EFCAB6: variants seen among roughly 807,000 people sequenced by gnomAD.
EFCAB6 encodes EF-hand calcium binding domain 6.
In EFCAB6, 156 loss-of-function variants were observed where a neutral mutation model predicts 169.8. The observed-to-expected ratio is 0.92, with a 90% CI of 0.81 to 1.05. The LOEUF is 1.05. EFCAB6 is among the 50% of genes least tolerant of loss of function. EFCAB6 has a pLI of 0.00. For missense variants in EFCAB6, 1,800 were observed against 1,829.1 expected, an observed-to-expected ratio of 0.98 and a Z score of 0.29; for synonymous variants, 698 against 676.4, an observed-to-expected ratio of 1.03 and a Z score of -0.50.
chr22:43,738,096 G>A (rs1257917067), intron 6 of EFCAB6, among the ~76,000 whole-genome samples: 2 of 127,468 alleles, frequency 1.6e-5, no homozygotes, highest in African/African-American at 3.0e-5. Context: ...GCAGATACAT[G>A]CACACACACC....
At chr22:43,542,602 C>T (rs575178580) in intron 27 of EFCAB6, among the ~76,000 whole-genome samples, 204 of 152,134 alleles carry the variant, frequency 1.3e-3, no homozygotes, top group African/African-American at 4.8e-3. Flanking sequence ...TTCTGTGGTG[C>T]GGAGGAGGCC....
At chr22:43,689,322 G>C (rs929351953) in intron 10 of EFCAB6, among the ~76,000 whole-genome samples, 2 of 148,608 alleles carry the variant, frequency 1.3e-5, no homozygotes, top group African/African-American at 2.5e-5. Flanking sequence ...ACGCGAGGGA[G>C]AGTGGGCCAC....
At chr22:43,698,572 G>A (rs548943350) in intron 10 of EFCAB6, among the ~76,000 whole-genome samples, 2 of 152,282 alleles carry the variant, frequency 1.3e-5, no homozygotes, top group East Asian at 1.9e-4. Context: ...ACCCAGCATA[G>A]GTGACATCAT....
intron 6 of EFCAB6, among the ~76,000 whole-genome samples, chr22:43,754,756 A>G (rs1263905430): frequency 6.6e-6 from 1 of 152,204 alleles, no homozygotes; most frequent in Non-Finnish European, 1.5e-5. Context: ...TGCTGCTGTG[A>G]TAATTGTCAT....
Position 43,570,520 on chromosome 22 carries a change from C to T in EFCAB6, c.3420+5777G>A, listed in dbSNP as rs187240195. Among the ~76,000 whole-genome samples, 124 of 151,884 alleles carry T rather than the reference C, an allele frequency of 8.2e-4. 2 individuals carry two copies. Among genetic ancestry groups the T allele is most frequent in the East Asian group, 4.5e-3 (23 of 5,164 alleles). On this transcript the variant is annotated intron_variant, in intron 26 of 31. Coordinates refer to ENST00000262726, the MANE Select transcript of EFCAB6 (RefSeq NM_022785.4). The stretch of plus-strand genomic sequence containing the variant: ...AAAATGTTTTTCTAGAAGTGAAGAA[C>T]GGGTATTTGCTGGGGAGAGAAATCC...
intron 22 of EFCAB6, among the ~76,000 whole-genome samples, chr22:43,607,188 T>C (rs1373012535): frequency 1.3e-5 from 2 of 152,174 alleles, no homozygotes; most frequent in African/African-American, 4.8e-5. Flanking sequence ...ATGCCACTTC[T>C]GATAGAACAC....
chr22:43,802,831 A>G (rs1471144603), intron 2 of EFCAB6: 4 of 419,870 alleles, frequency 9.5e-6, no homozygotes, highest in East Asian at 5.7e-5. Context: ...AGTTTGAAAT[A>G]CTATTTTTAA....
rs554551138 is a variant in EFCAB6, at chr22:43,570,854, T to G, written c.3420+5443A>C. Reference sequence around the variant, plus strand: ...GGGCTGGTTCTCAAGCCCAGGACAGTGCCAAGAGGATGAGCCCCAGGCCTT... The same window carrying G: ...GGGCTGGTTCTCAAGCCCAGGACAGGGCCAAGAGGATGAGCCCCAGGCCTT... On this transcript the variant is annotated intron_variant, in intron 26 of 31. Coordinates refer to ENST00000262726, the MANE Select transcript of EFCAB6 (RefSeq NM_022785.4). 4.6e-5 allele frequency among the ~76,000 whole-genome samples: 7 copies of G among 152,256 alleles called. No individual in the cohort carries two copies. The East Asian group carries it at 1.2e-3, about 25-fold the overall frequency.
intron 6 of EFCAB6, among the ~76,000 whole-genome samples, chr22:43,738,354 ACAC>A (rs1483241504): frequency 6.8e-6 from 1 of 147,244 alleles, no homozygotes; most frequent in Non-Finnish European, 1.5e-5. Flanking sequence ...ATACTCATTC[ACAC>A]CATCAATCAC....
chr22:43,534,780 A>T lies in EFCAB6; in HGVS notation c.4141T>A (p.Tyr1381Asn). Residue 1381 changes from tyrosine to asparagine, a missense_variant, in exon 30 of 32, where the codon TAC (tyrosine) becomes AAC (asparagine). Coordinates refer to ENST00000262726, the MANE Select transcript of EFCAB6 (RefSeq NM_022785.4). ...ACACAGCTCTGAATGAAGTCACAGTATGCAAATTTCCCGTTGCTCTTTAAG... is the reference window on the plus strand; with the variant it reads ...ACACAGCTCTGAATGAAGTCACAGTTTGCAAATTTCCCGTTGCTCTTTAAG... ...YDLKSNGKFA[Y>N]CDFIQSCVLL... is the part of the protein sequence containing the mutation. The T allele has an allele frequency of 6.2e-7, 1 of 1,614,058 alleles. No homozygotes were observed. The highest frequency in any genetic ancestry group is 8.5e-7 in the Non-Finnish European group (1 of 1,179,992).
In EFCAB6 at chr22:43,603,140, C is replaced by T. The variant is rs539609304; in HGVS notation, c.2682-2877G>A. On this transcript the variant is annotated intron_variant, in intron 22 of 31. Transcript: ENST00000262726. ...TGCTCAAGGGCTCACTAACAACAAACTTTCCATCATGACACTTGAACTGAA... is the reference window on the plus strand; with the variant it reads ...TGCTCAAGGGCTCACTAACAACAAATTTTCCATCATGACACTTGAACTGAA... Among the ~76,000 whole-genome samples the T allele has an allele frequency of 2.0e-5, 3 of 152,292 alleles. No homozygotes were observed. In the South Asian group the frequency reaches 6.2e-4, roughly 32 times the overall value.
intron 9 of EFCAB6, among the ~76,000 whole-genome samples, chr22:43,713,531 T>A (rs770526588): frequency 6.6e-6 from 1 of 152,060 alleles, no homozygotes; most frequent in Non-Finnish European, 1.5e-5. Flanking sequence ...GTGCTTCTGG[T>A]GGGAGTGTAA....
At chr22:43,690,343 CAA>C (rs137802) in intron 10 of EFCAB6, among the ~76,000 whole-genome samples, 70 of 95,850 alleles carry the variant, frequency 7.3e-4, no homozygotes, top group African/African-American at 2.3e-3. Context: ...ACTAAAAATA[CAA>C]AAAAAAAAAA....
chr22:43,779,968 GGCATAA>G (rs1431853870), intron 3 of EFCAB6, among the ~76,000 whole-genome samples: 1 of 152,014 alleles, frequency 6.6e-6, no homozygotes, highest in Non-Finnish European at 1.5e-5. Flanking sequence ...AAAAGCAAAA[GGCATAA>G]GCCTGGTAAA....
At chr22:43,650,347 T>C (rs1372992078) in intron 17 of EFCAB6, among the ~76,000 whole-genome samples, 1 of 152,108 alleles carries the variant, frequency 6.6e-6, no homozygotes, top group Non-Finnish European at 1.5e-5. Flanking sequence ...AAAAGAGGCG[T>C]TCCCCTGCAC....
At chr22:43,573,392 G>A (rs2050019796) in intron 26 of EFCAB6, among the ~76,000 whole-genome samples, 1 of 152,094 alleles carries the variant, frequency 6.6e-6, no homozygotes, top group African/African-American at 2.4e-5. Context: ...CCCAAACTCA[G>A]CAGTATACAT....
At chr22:43,762,007 T>C (rs1053361038) in intron 5 of EFCAB6, among the ~76,000 whole-genome samples, 6 of 152,234 alleles carry the variant, frequency 3.9e-5, no homozygotes, top group Non-Finnish European at 5.9e-5. Flanking sequence ...TGGCACTTTA[T>C]CTCTGGAAAT....
At chr22:43,732,992 CACTT>C (rs2060008827) in intron 7 of EFCAB6, among the ~76,000 whole-genome samples, 1 of 152,136 alleles carries the variant, frequency 6.6e-6, no homozygotes, top group Non-Finnish European at 1.5e-5. Flanking sequence ...TGGTAATTAT[CACTT>C]AAAGTATTTA....
At chr22:43,683,471 C>A (rs139548889) in intron 12 of EFCAB6, among the ~76,000 whole-genome samples, 4 of 152,302 alleles carry the variant, frequency 2.6e-5, no homozygotes, top group African/African-American at 9.6e-5. Context: ...GCAACTATTA[C>A]GACCTTGCCA....
Sources: allele counts gnomAD v4.1 joint callset (sites outside exome capture counted in the v4.1 genomes callset), GRCh38; gene constraint gnomAD v4.1.1; transcripts MANE v1.5; gene names NCBI Gene and HGNC (gene_info 2026-07-23, HGNC 2026-07-21).